Variants in MBD5 observed in about 807,000 individuals in gnomAD.
The protein encoded by MBD5 is methyl-CpG binding domain protein 5.
Under a neutral mutation model 117.3 loss-of-function variants are expected in MBD5, and 13 were observed. That is an observed-to-expected ratio of 0.11 (90% CI 0.07 to 0.18). MBD5 has a LOEUF of 0.18. Ranked by LOEUF, MBD5 falls within the 10% of genes least tolerant of loss-of-function variation. The pLI, the probability that MBD5 is intolerant of heterozygous loss-of-function variation, is 1.00. For missense variants in MBD5, 1,879 were observed against 2,093.8 expected (o/e 0.90, Z 2.00); for synonymous variants, 727 against 766.4 (o/e 0.95, Z 0.85).
rs751272971 is a variant in MBD5 at position 148,489,963 on chromosome 2, A to C, written c.4331A>C (p.Lys1444Thr). The C allele has an allele frequency of 6.2e-7, 1 of 1,614,082 alleles. No individual in the cohort carries two copies. Among genetic ancestry groups the C allele is most frequent in the Non-Finnish European group, 8.5e-7 (1 of 1,180,022 alleles). Residue 1444 changes from lysine to threonine, a missense_variant, in exon 11 of 14, where the codon AAG becomes ACG. Transcript: ENST00000642680. The stretch of plus-strand genomic sequence containing the variant: ...CCCAGAGGGGAGCGAAACAGGTGGA[A>C]GTACGAGGAATTTTTAGATCATCCA... ...QSPRGERNRWKYEEFLDHPGH... is the reference protein window; with the variant it reads ...QSPRGERNRWTYEEFLDHPGH...
At chr2:148,030,971 A>T (rs187179737) in intron 1 of MBD5, among the ~76,000 whole-genome samples, 1 of 152,310 alleles carries the variant, frequency 6.6e-6, no homozygotes, top group African/African-American at 2.4e-5. Context: ...TTTGCTTCTT[A>T]CTGAAAAATG....
intron 4 of MBD5, among the ~76,000 whole-genome samples, chr2:148,357,074 TG>T (rs1703399271): frequency 6.6e-6 from 1 of 152,144 alleles, no homozygotes. Context: ...CTTACAGGTC[TG>T]GGGGAAAGGA....
At chr2:148,499,375 G>A (rs1411883181) in intron 11 of MBD5, among the ~76,000 whole-genome samples, 1 of 152,112 alleles carries the variant, frequency 6.6e-6, no homozygotes, top group East Asian at 1.9e-4. Context: ...TAAATTCCAG[G>A]TAGCTTTATG....
Position 148,181,691 on chromosome 2 carries a change from A to G in MBD5, c.-831+2898A>G, listed in dbSNP as rs113136628. Among the ~76,000 whole-genome samples, 514 of 151,922 alleles carry G rather than the reference A, an allele frequency of 3.4e-3. 1 individual carries two copies. The highest frequency in any genetic ancestry group is 0.012 in the African/African-American group (488 of 41,438). On this transcript the variant is annotated intron_variant, in intron 2 of 13. Coordinates refer to ENST00000642680, the MANE Select transcript of MBD5 (RefSeq NM_001378120.1). ...TTATATATTTTTTCATTTGGGTTCA[A>G]TTGTTTTATAGGAATTTGTTGTATG...
intron 4 of MBD5, among the ~76,000 whole-genome samples, chr2:148,382,313 G>A (rs978690809): frequency 6.8e-4 from 104 of 151,986 alleles, no homozygotes; most frequent in African/African-American, 1.7e-3. Flanking sequence ...TCCTAGTCTC[G>A]GATAAAACAG....
At chr2:148,354,862 C>T (rs1177756704) in intron 4 of MBD5, among the ~76,000 whole-genome samples, 1 of 152,154 alleles carries the variant, frequency 6.6e-6, no homozygotes, top group Non-Finnish European at 1.5e-5. Context: ...TCTCTGTAAG[C>T]TTTTTTTCAT....
At chr2:148,267,561 C>T (rs1291732994) in intron 3 of MBD5, among the ~76,000 whole-genome samples, 1 of 152,110 alleles carries the variant, frequency 6.6e-6, no homozygotes, top group Non-Finnish European at 1.5e-5. Flanking sequence ...AAAGCTAAAG[C>T]CCATCTCCAT....
At chr2:148,132,355 T>C (rs935731897) in intron 1 of MBD5, among the ~76,000 whole-genome samples, 22 of 146,558 alleles carry the variant, frequency 1.5e-4, no homozygotes, top group South Asian at 6.4e-4. Flanking sequence ...TATATACACA[T>C]ATATATATAT....
intron 1 of MBD5, among the ~76,000 whole-genome samples, chr2:148,146,641 A>AT (rs972953362): frequency 1.3e-5 from 2 of 151,902 alleles, no homozygotes; most frequent in Non-Finnish European, 2.9e-5. Context: ...TATTAAGGTT[A>AT]TTTTTTCAAT....
chr2:148,311,021 T>C (rs1216867639), intron 3 of MBD5, among the ~76,000 whole-genome samples: 1 of 152,248 alleles, frequency 6.6e-6, no homozygotes, highest in Non-Finnish European at 1.5e-5. Flanking sequence ...CTGTTTGTTA[T>C]AATTTCTGTT....
chr2:148,174,811 T>C (rs1264353132), intron 1 of MBD5, among the ~76,000 whole-genome samples: 2 of 150,928 alleles, frequency 1.3e-5, no homozygotes, highest in Non-Finnish European at 3.0e-5. Context: ...AGATAACAAA[T>C]GTTGATGACG....
chr2:148,128,832 C>A (rs1363494466), intron 1 of MBD5, among the ~76,000 whole-genome samples: 2 of 152,060 alleles, frequency 1.3e-5, no homozygotes, highest in African/African-American at 2.4e-5. Flanking sequence ...GAAAAAAAAA[C>A]TTAGTTAAAA....
At chr2:148,414,988 T>C (rs1705375548) in intron 4 of MBD5, among the ~76,000 whole-genome samples, 1 of 152,190 alleles carries the variant, frequency 6.6e-6, no homozygotes, top group African/African-American at 2.4e-5. Context: ...TGTGTGAGAA[T>C]TGGATCCTGT....
intron 6 of MBD5, among the ~76,000 whole-genome samples, chr2:148,463,289 A>G (rs142775634): frequency 3.3e-4 from 51 of 152,322 alleles, no homozygotes; most frequent in African/African-American, 1.2e-3. Flanking sequence ...CATAATAAAT[A>G]AATTTAAAAC....
chr2:148,102,725 CACACAGAGAG>C (rs1387632165), intron 1 of MBD5, among the ~76,000 whole-genome samples: 97 of 69,072 alleles, frequency 1.4e-3, no homozygotes, highest in Admixed American at 3.6e-3. Flanking sequence ...CACACACACA[CACACAGAGAG>C]AGAGAGAGAG....
intron 3 of MBD5, among the ~76,000 whole-genome samples, chr2:148,274,362 A>C (rs893959830): frequency 1.3e-5 from 2 of 151,856 alleles, no homozygotes; most frequent in Non-Finnish European, 2.9e-5. Context: ...TATTTCTCCT[A>C]ATGTTATCCC....
intron 3 of MBD5, among the ~76,000 whole-genome samples, chr2:148,329,306 A>G (rs916850011): frequency 1.3e-5 from 2 of 152,244 alleles, no homozygotes; most frequent in East Asian, 1.9e-4. Context: ...AATCCTATAG[A>G]CATAAATAGA....
intron 13 of MBD5, among the ~76,000 whole-genome samples, chr2:148,511,414 G>A (rs1047799174): frequency 1.3e-5 from 2 of 152,220 alleles, no homozygotes; most frequent in Admixed American, 6.5e-5. Flanking sequence ...GTGGAAATCA[G>A]GTAGTTGAGA....
chr2:148,397,445 T>G (rs1029813219), intron 4 of MBD5, among the ~76,000 whole-genome samples: 1 of 148,474 alleles, frequency 6.7e-6, no homozygotes, highest in Non-Finnish European at 1.5e-5. Flanking sequence ...TTCTCCTGCC[T>G]CAGCCTCCCG....
Sources: allele counts gnomAD v4.1 joint callset (sites outside exome capture counted in the v4.1 genomes callset), GRCh38; gene constraint gnomAD v4.1.1; transcripts MANE v1.5; gene names NCBI Gene and HGNC (gene_info 2026-07-23, HGNC 2026-07-21).